Variants in PLAGL1 observed in about 807,000 individuals in gnomAD.
The protein encoded by PLAGL1 is zinc finger protein PLAGL1.
Under a neutral mutation model 4.6 loss-of-function variants are expected in PLAGL1, and 1 was observed. The observed-to-expected ratio is 0.22, with a 90% confidence interval of 0.08 to 1.03. The LOEUF (loss-of-function observed/expected upper bound fraction) is 1.03, where lower values mean the gene tolerates loss of function less well. Ranked by LOEUF, PLAGL1 falls within the 50% of genes least tolerant of loss-of-function variation. PLAGL1 has a pLI of 0.58. For synonymous variants in PLAGL1, 240 were observed against 237.8 expected (o/e 1.01, Z -0.08); for missense variants, 464 against 570.4 (o/e 0.81, Z 1.90).
chr6:144,027,395 A>G lies in PLAGL1; in HGVS notation c.-151+37073T>C, dbSNP rs1271549789. Among the ~76,000 whole-genome samples the G allele has an allele frequency of 6.6e-6, 1 of 152,226 alleles. No homozygotes were observed. Among genetic ancestry groups the G allele is most frequent in the Non-Finnish European group, 1.5e-5 (1 of 68,036 alleles). Reference sequence around the variant, plus strand: ...TGAGGATCTTTTTGTTTCTTCTACAATCCCATGAGAAACAGCTAGGGAAGA... The same window carrying G: ...TGAGGATCTTTTTGTTTCTTCTACAGTCCCATGAGAAACAGCTAGGGAAGA... On this transcript the variant is annotated intron_variant, in intron 1 of 3. Coordinates refer to the PLAGL1 transcript ENST00000437412. This position sits in a 1 kb window ranked among gnomAD's most constrained non-coding sequence, Gnocchi z 5.8.
intron 1 of PLAGL1, among the ~76,000 whole-genome samples, chr6:144,045,171 T>C (rs1798047649): frequency 6.6e-6 from 1 of 152,124 alleles, no homozygotes; most frequent in African/African-American, 2.4e-5. Context: ...TTGGGGAATT[T>C]AGCCCATTTA....
At position 143,942,002 on chromosome 6, in the gene PLAGL1, C is replaced by T. The variant is rs765875826; in HGVS notation, c.814G>A (p.Ala272Thr). 21 of 1,591,998 alleles carry T rather than the reference C, an allele frequency of 1.3e-5. No individual in the cohort carries two copies. In the South Asian group the frequency reaches 1.4e-4, roughly 10 times the overall value. ...TCTGGCAGCGGCTGCATAGGCTGGGCGGCTTGTTCTGGGGGACTGAGGGTG... is the reference window on the plus strand; with the variant it reads ...TCTGGCAGCGGCTGCATAGGCTGGGTGGCTTGTTCTGGGGGACTGAGGGTG... ...SLTLSPPEQA[A>T]QPMQPLPESL... Residue 272 changes from alanine (A) to threonine (T), a missense_variant, in exon 8 of 8, where the codon GCC becomes ACC. Coordinates refer to ENST00000674357, the MANE Select transcript of PLAGL1 (RefSeq NM_001317162.2). The surrounding 1 kb of genome is among the most constrained non-coding windows in gnomAD (Gnocchi z 7.6).
intron 1 of PLAGL1, among the ~76,000 whole-genome samples, chr6:144,052,932 C>A (rs1798682947): frequency 6.6e-6 from 1 of 152,110 alleles, no homozygotes. Context: ...ACATTTAAGC[C>A]ATTTAATTCT....
chr6:144,044,532 G>A (rs1332021408), intron 1 of PLAGL1, among the ~76,000 whole-genome samples: 1 of 152,148 alleles, frequency 6.6e-6, no homozygotes, highest in Non-Finnish European at 1.5e-5. Flanking sequence ...ATTGCGCTGT[G>A]GTCTGAGAGA....
rs1788448365 is a variant in PLAGL1, at chr6:143,983,725, G to A, written c.-544+1410C>T. The stretch of plus-strand genomic sequence containing the variant: ...GGAGGATGTGAGATATGAAGGAAGT[G>A]TGCTGCAGTGTAAAAGTTGTATGTC... On this transcript the variant is annotated intron_variant, in intron 2 of 7. Transcript: ENST00000674357. The surrounding 1 kb of genome is among the most constrained non-coding windows in gnomAD (Gnocchi z 6.6). Among the ~76,000 whole-genome samples, 1 of 151,980 alleles carries A rather than the reference G, an allele frequency of 6.6e-6. No individual in the cohort carries two copies. Among genetic ancestry groups the A allele is most frequent in the Admixed American group, 6.6e-5 (1 of 15,234 alleles).
intron 1 of PLAGL1, among the ~76,000 whole-genome samples, chr6:144,029,512 G>A (rs775187348): frequency 1.1e-4 from 17 of 152,206 alleles, no homozygotes; most frequent in Non-Finnish European, 1.3e-4. Flanking sequence ...AGCTCATTTC[G>A]TGAAGAATAG....
rs1258252939 is a variant in PLAGL1, at chr6:143,963,383, C to T, written c.-399+1404G>A. Among the ~76,000 whole-genome samples, 2 of 152,214 alleles carry T rather than the reference C, an allele frequency of 1.3e-5. No individual in the cohort carries two copies. The highest frequency in any genetic ancestry group is 2.4e-5 in the African/African-American group (1 of 41,452). ...CATGGTGGGGCTTCAAACGTTAACCCACAGACTTGCTCCTCCTCCAGCACT... is the reference window on the plus strand; with the variant it reads ...CATGGTGGGGCTTCAAACGTTAACCTACAGACTTGCTCCTCCTCCAGCACT... On this transcript the variant is annotated intron_variant, in intron 5 of 7. Transcript: ENST00000674357. The surrounding 1 kb of genome is among the most constrained non-coding windows in gnomAD (Gnocchi z 6.1).
chr6:143,994,134 T>C lies in PLAGL1; in HGVS notation c.-583-8960A>G, dbSNP rs369483048. ...AGAATCAGGGCCTAATCAAGAAGCA[T>C]TTTACTCTCCAGGTTTTGAAGGATT... On this transcript the variant is annotated intron_variant, in intron 1 of 7. Coordinates refer to ENST00000674357, the MANE Select transcript of PLAGL1 (RefSeq NM_001317162.2). This position sits in a 1 kb window ranked among gnomAD's most constrained non-coding sequence, Gnocchi z 4.3. Among the ~76,000 whole-genome samples, 5 of 152,074 alleles carry C rather than the reference T, an allele frequency of 3.3e-5. No homozygotes were observed. The South Asian group carries it at 1.0e-3, about 32-fold the overall frequency.
rs1787458817 is a variant in PLAGL1 at position 143,979,613 on chromosome 6, C to T, written c.-544+5522G>A. On this transcript the variant is annotated intron_variant, in intron 2 of 7. Coordinates refer to ENST00000674357, the MANE Select transcript of PLAGL1 (RefSeq NM_001317162.2). This position sits in a 1 kb window ranked among gnomAD's most constrained non-coding sequence, Gnocchi z 4.6. ...AAAACTTTATAGTTATATTTTTCCT[C>T]ACCTGACCTTTGTGCAATTATTGTT... is the stretch of plus-strand genomic sequence containing the variant. Among the ~76,000 whole-genome samples, 1 of 151,986 alleles carries T rather than the reference C, an allele frequency of 6.6e-6. No individual in the cohort carries two copies. Among genetic ancestry groups the T allele is most frequent in the Non-Finnish European group, 1.5e-5 (1 of 67,914 alleles).
rs1785323097 is a variant in PLAGL1, at chr6:143,971,056, G to A, written c.-543-2078C>T. Reference sequence around the variant, plus strand: ...ATTACTTCCAGAAACTGGGAGGGTTGAGCAGCCAAGTTATGAAATCTAAGT... The same window carrying A: ...ATTACTTCCAGAAACTGGGAGGGTTAAGCAGCCAAGTTATGAAATCTAAGT... On this transcript the variant is annotated intron_variant, in intron 2 of 7. Coordinates refer to ENST00000674357, the MANE Select transcript of PLAGL1 (RefSeq NM_001317162.2). This position sits in a 1 kb window ranked among gnomAD's most constrained non-coding sequence, Gnocchi z 4.7. 4.0e-5 allele frequency among the ~76,000 whole-genome samples: 6 copies of A among 151,774 alleles called. No individual in the cohort carries two copies. The South Asian group carries it at 1.2e-3, about 32-fold the overall frequency.
chr6:144,043,798 G>T (rs944049631), intron 1 of PLAGL1, among the ~76,000 whole-genome samples: 4 of 152,064 alleles, frequency 2.6e-5, no homozygotes, highest in African/African-American at 4.8e-5. Flanking sequence ...CTGTGAATCC[G>T]TCTGGTCCTG....
intron 1 of PLAGL1, among the ~76,000 whole-genome samples, chr6:144,046,270 G>A (rs1391737437): frequency 1.3e-5 from 2 of 152,154 alleles, no homozygotes; most frequent in African/African-American, 2.4e-5. Context: ...AGGTGCTCTG[G>A]TTTTTAGAAT....
intron 1 of PLAGL1, among the ~76,000 whole-genome samples, chr6:144,052,208 CTTCA>C (rs994921430): frequency 5.9e-5 from 9 of 152,052 alleles, no homozygotes; most frequent in Admixed American, 5.9e-4. Context: ...TATATATGTC[CTTCA>C]TTCAATATGG....
intron 1 of PLAGL1, among the ~76,000 whole-genome samples, chr6:144,058,742 C>T (rs1799171660): frequency 6.6e-6 from 1 of 152,108 alleles, no homozygotes; most frequent in Non-Finnish European, 1.5e-5. Flanking sequence ...AATCTTAAAG[C>T]TCGGAAATTA....
In PLAGL1 at chr6:144,048,837, T is replaced by A. The variant is rs1323660158; in HGVS notation, c.-151+15631A>T. Among the ~76,000 whole-genome samples, 1 of 152,244 alleles carries A rather than the reference T, an allele frequency of 6.6e-6. No homozygotes were observed. The highest frequency in any genetic ancestry group is 1.9e-4 in the East Asian group (1 of 5,200). ...AATTTCTGCAGCTGGCTTGAATTCC[T>A]CCTTAAGAAAATAGGTTTTTCTTTT... On this transcript the variant is annotated intron_variant, in intron 1 of 3. Transcript: ENST00000437412. The surrounding 1 kb of genome is among the most constrained non-coding windows in gnomAD (Gnocchi z 4.8).
intron 1 of PLAGL1, among the ~76,000 whole-genome samples, chr6:144,035,543 C>T (rs1366557383): frequency 6.6e-6 from 1 of 152,218 alleles, no homozygotes; most frequent in African/African-American, 2.4e-5. Flanking sequence ...TGGGTCTCCT[C>T]ACCCAGTCCA....
Position 143,978,745 on chromosome 6 carries a change from A to G in PLAGL1, c.-544+6390T>C, listed in dbSNP as rs1219586421. 2.0e-5 allele frequency among the ~76,000 whole-genome samples: 3 copies of G among 152,208 alleles called. No individual in the cohort carries two copies. Among genetic ancestry groups the G allele is most frequent in the African/African-American group, 7.2e-5 (3 of 41,468 alleles). On this transcript the variant is annotated intron_variant, in intron 2 of 7. Transcript: ENST00000674357. This position sits in a 1 kb window ranked among gnomAD's most constrained non-coding sequence, Gnocchi z 4.6. ...CCCACCCAGAATATGGTCTATCTTG[A>G]AAAATGTTCTGGCTATGCTTGGAAA...
At position 144,045,989 on chromosome 6, in the gene PLAGL1, G is replaced by T. The variant is rs532039698; in HGVS notation, c.-151+18479C>A. On this transcript the variant is annotated intron_variant, in intron 1 of 3. Transcript: ENST00000437412. ...TTGATTGAATTGGCTACTGAAGCTT[G>T]TGCATGCGTCACATAGTTCTTGTGC... is the stretch of plus-strand genomic sequence containing the variant. Among the ~76,000 whole-genome samples the T allele has an allele frequency of 4.6e-5, 7 of 152,244 alleles. No individual in the cohort carries two copies. The East Asian group carries it at 1.3e-3, about 29-fold the overall frequency.
At chr6:143,946,230 CTCAAACTCATGTTGT>C (rs1301822892) in intron 7 of PLAGL1, among the ~76,000 whole-genome samples, 6 of 152,212 alleles carry the variant, frequency 3.9e-5, no homozygotes, top group Non-Finnish European at 7.3e-5. Flanking sequence ...ACCCGTGCAG[CTCAAACTCATGTTGT>C]TCAAGGGTCA....
Sources: gnomAD v4.1 joint callset for allele counts (sites outside exome capture counted in the v4.1 genomes callset) on GRCh38, gnomAD v4.1.1 for gene constraint, Gnocchi (gnomAD v3.1) non-coding constraint, MANE v1.5 for transcripts, NCBI Gene and HGNC (gene_info 2026-07-23, HGNC 2026-07-21) for gene names.